Variants in HTR7 observed in about 807,000 individuals in gnomAD.
HTR7 encodes 5-hydroxytryptamine receptor 7.
In HTR7, 16 loss-of-function variants were observed where a neutral mutation model predicts 34.0. That is an observed-to-expected ratio of 0.47 (90% CI 0.32 to 0.71). The LOEUF is 0.71. HTR7 is among the 30% of genes least tolerant of loss of function. The pLI is 0.04. For missense variants in HTR7, 504 were observed against 625.5 expected (o/e 0.81, Z 2.07); for synonymous variants, 265 against 260.2 (o/e 1.02, Z -0.18).
chr10:90,743,959 A>C, intron 2 of HTR7: 1 of 598,032 alleles, frequency 1.7e-6, no homozygotes, highest in Non-Finnish European at 3.2e-6. Context: ...CTGATCAAGA[A>C]AATGGGGAGA....
chr10:90,805,856 C>T (rs993329638), intron 1 of HTR7, among the ~76,000 whole-genome samples: 25 of 152,164 alleles, frequency 1.6e-4, no homozygotes, highest in African/African-American at 4.6e-4. Flanking sequence ...GAACAACATG[C>T]TAGCCCAAAT....
chr10:90,849,364 G>A (rs1846459916), intron 1 of HTR7, among the ~76,000 whole-genome samples: 1 of 151,912 alleles, frequency 6.6e-6, no homozygotes, highest in South Asian at 2.1e-4. Flanking sequence ...CAATCTAGAG[G>A]GTTAAACACT....
intron 1 of HTR7, among the ~76,000 whole-genome samples, chr10:90,839,076 A>G (rs190132805): frequency 6.6e-6 from 1 of 152,342 alleles, no homozygotes; most frequent in East Asian, 1.9e-4. Context: ...TGTATAACTC[A>G]CATAATAAGA....
At chr10:90,850,672 C>T (rs1846483516) in intron 1 of HTR7, among the ~76,000 whole-genome samples, 2 of 151,808 alleles carry the variant, frequency 1.3e-5, no homozygotes, top group Admixed American at 1.3e-4. Flanking sequence ...GAGAATTTCA[C>T]CAAAAAAATC....
chr10:90,771,125 G>A (rs1845103026), intron 1 of HTR7, among the ~76,000 whole-genome samples: 1 of 152,086 alleles, frequency 6.6e-6, no homozygotes, highest in Admixed American at 6.5e-5. Context: ...TCTGCTGGGA[G>A]CCAAACACTT....
At chr10:90,822,027 T>A (rs1045197007) in intron 1 of HTR7, among the ~76,000 whole-genome samples, 1 of 152,200 alleles carries the variant, frequency 6.6e-6, no homozygotes, top group Admixed American at 6.5e-5. Context: ...TAGTTCTTTA[T>A]AGCAGTGTAA....
chr10:90,809,917 G>A (rs1385296844), intron 1 of HTR7, among the ~76,000 whole-genome samples: 2 of 152,092 alleles, frequency 1.3e-5, no homozygotes, highest in African/African-American at 2.4e-5. Context: ...TGATCACCTC[G>A]GAAGCCCCCT....
chr10:90,856,690 T>C (rs575648200), intron 1 of HTR7, among the ~76,000 whole-genome samples: 1 of 151,818 alleles, frequency 6.6e-6, no homozygotes, highest in South Asian at 2.1e-4. Context: ...CAAGGTCCTT[T>C]TACTGGCCTA....
At chr10:90,767,464 G>T (rs1281653436) in intron 1 of HTR7, among the ~76,000 whole-genome samples, 1 of 152,204 alleles carries the variant, frequency 6.6e-6, no homozygotes. Context: ...AATGTTGGGA[G>T]AAAGTTCTAT....
chr10:90,831,954 T>A lies in HTR7; in HGVS notation c.539+25179A>T, dbSNP rs533506057. Among the ~76,000 whole-genome samples, 38 of 152,362 alleles carry A rather than the reference T, an allele frequency of 2.5e-4. No individual in the cohort carries two copies. The South Asian group carries it at 7.5e-3, about 30-fold the overall frequency. On this transcript the variant is annotated intron_variant, in intron 1 of 3. Coordinates refer to ENST00000336152, the MANE Select transcript of HTR7 (RefSeq NM_019859.4). ...GATTAACTAGATACAGAGTGCCGAT[T>A]GGCGCATTCACAAACCCTGAGCTAG...
At chr10:90,777,326 C>T (rs1247577672) in intron 1 of HTR7, among the ~76,000 whole-genome samples, 1 of 151,734 alleles carries the variant, frequency 6.6e-6, no homozygotes, top group Non-Finnish European at 1.5e-5. Context: ...ACTAAAAATA[C>T]AAAAATTAGC....
At chr10:90,778,903 C>T (rs1487266639) in intron 1 of HTR7, among the ~76,000 whole-genome samples, 2 of 152,226 alleles carry the variant, frequency 1.3e-5, no homozygotes, top group Non-Finnish European at 2.9e-5. Context: ...CCAGATACAA[C>T]TTCAAAACAG....
chr10:90,775,030 T>C (rs1845184222), intron 1 of HTR7, among the ~76,000 whole-genome samples: 1 of 152,158 alleles, frequency 6.6e-6, no homozygotes, highest in Non-Finnish European at 1.5e-5. Context: ...ACGAAGAAGA[T>C]GAGATATGCC....
chr10:90,778,014 A>G (rs188714037), intron 1 of HTR7, among the ~76,000 whole-genome samples: 1 of 152,294 alleles, frequency 6.6e-6, no homozygotes, highest in Non-Finnish European at 1.5e-5. Context: ...CAGTTCTTCA[A>G]TCTTCCATTT....
intron 2 of HTR7, among the ~76,000 whole-genome samples, chr10:90,746,264 T>G (rs1844632382): frequency 6.6e-6 from 1 of 152,232 alleles, no homozygotes; most frequent in Non-Finnish European, 1.5e-5. Context: ...CATGTTATTA[T>G]TTTAAACTGG....
Position 90,742,312 on chromosome 10 carries a change from T to C in HTR7, c.*170A>G, listed in dbSNP as rs1844564563. ...ACTGATCCACAGAAAAAAGGAGAAG[T>C]CACCATCTCCCTCATAAGATAGTGT... On this transcript the variant is annotated 3_prime_UTR_variant, in exon 4 of 4. Transcript: ENST00000336152. 3.8e-6 allele frequency: 2 copies of C among 524,916 alleles called. No individual in the cohort carries two copies. The highest frequency in any genetic ancestry group is 6.9e-5 in the Admixed American group (2 of 28,802). The allele number at this position is 524,916 out of a possible 1,614,324, so 32.5% of individuals were successfully genotyped here.
At chr10:90,851,467 TG>T (rs1346802152) in intron 1 of HTR7, among the ~76,000 whole-genome samples, 1 of 151,320 alleles carries the variant, frequency 6.6e-6, no homozygotes. Context: ...TAGCAGGGCG[TG>T]GTGGCAGACG....
chr10:90,815,565 G>A (rs1261419153), intron 1 of HTR7, among the ~76,000 whole-genome samples: 2 of 151,860 alleles, frequency 1.3e-5, no homozygotes, highest in African/African-American at 4.9e-5. Context: ...CACATGCTGG[G>A]GCCTTTTGTG....
chr10:90,748,140 C>CTT (rs797001166), intron 2 of HTR7, among the ~76,000 whole-genome samples: 20 of 152,278 alleles, frequency 1.3e-4, no homozygotes, highest in African/African-American at 4.8e-4. Flanking sequence ...TCCTGTGGCT[C>CTT]TTTTTCTTTT....
Sources: allele counts gnomAD v4.1 joint callset (sites outside exome capture counted in the v4.1 genomes callset), GRCh38; gene constraint gnomAD v4.1.1; transcripts MANE v1.5; gene names NCBI Gene and HGNC (gene_info 2026-07-23, HGNC 2026-07-21).